Variants in LSAMP observed in about 807,000 individuals in gnomAD.
The protein encoded by LSAMP is limbic system associated membrane protein, also known as limbic system-associated membrane protein.
Under a neutral mutation model 38.6 loss-of-function variants are expected in LSAMP, and 7 were observed. That is an observed-to-expected ratio of 0.18 (90% CI 0.10 to 0.34). LSAMP has a LOEUF of 0.34. LSAMP is among the 10% of genes least tolerant of loss of function. The probability of loss-of-function intolerance (pLI) is 1.00; values close to 1 mark genes in which losing one functional copy is unlikely to be tolerated. For synonymous variants in LSAMP, 154 were observed against 166.8 expected, an observed-to-expected ratio of 0.92 and a Z score of 0.59; for missense variants, 313 against 420.0, an observed-to-expected ratio of 0.75 and a Z score of 2.23.
chr3:116,318,024 T>C (rs974362660), intron 1 of LSAMP, among the ~76,000 whole-genome samples: 3 of 149,308 alleles, frequency 2.0e-5, no homozygotes, highest in Admixed American at 6.8e-5. Context: ...TAATCCCAGC[T>C]ACTCAGGAGG....
At chr3:115,994,678 G>C (rs1419675881) in intron 3 of LSAMP, among the ~76,000 whole-genome samples, 1 of 152,068 alleles carries the variant, frequency 6.6e-6, no homozygotes, top group African/African-American at 2.4e-5. Flanking sequence ...TTAATGTAGA[G>C]TCATTAAGAG....
At chr3:115,923,672 T>C (rs567942446) in intron 3 of LSAMP, among the ~76,000 whole-genome samples, 4 of 152,298 alleles carry the variant, frequency 2.6e-5, no homozygotes, top group Non-Finnish European at 5.9e-5. Context: ...AGAAAATGTA[T>C]ATCATTCCTG....
At chr3:116,179,319 C>A (rs1710429063) in intron 1 of LSAMP, among the ~76,000 whole-genome samples, 1 of 152,006 alleles carries the variant, frequency 6.6e-6, no homozygotes, top group Admixed American at 6.6e-5. Flanking sequence ...ATCACAGGAC[C>A]ACATAATTTC....
intron 2 of LSAMP, among the ~76,000 whole-genome samples, chr3:116,025,110 T>A (rs2107695124): frequency 6.6e-6 from 1 of 152,226 alleles, no homozygotes; most frequent in African/African-American, 2.4e-5. Context: ...TAATATTGAT[T>A]TATGCTGAAT....
chr3:115,814,178 T>C (rs988004986), intron 6 of LSAMP: 7 of 152,110 alleles, frequency 4.6e-5, no homozygotes, highest in African/African-American at 1.7e-4. Flanking sequence ...AGGCATTGAT[T>C]TGTGAAATGG....
intron 3 of LSAMP, among the ~76,000 whole-genome samples, chr3:116,017,155 A>G (rs1940506997): frequency 6.6e-6 from 1 of 152,132 alleles, no homozygotes; most frequent in African/African-American, 2.4e-5. Context: ...ACTCCTAGAC[A>G]AGGTGGGAAA....
At chr3:115,903,761 A>C (rs988311162) in intron 3 of LSAMP, among the ~76,000 whole-genome samples, 2 of 152,186 alleles carry the variant, frequency 1.3e-5, no homozygotes, top group African/African-American at 4.8e-5. Flanking sequence ...AACAGGTTTT[A>C]ATAGGTTAGG....
intron 6 of LSAMP, among the ~76,000 whole-genome samples, chr3:115,838,348 A>G (rs1934864790): frequency 6.6e-6 from 1 of 152,186 alleles, no homozygotes; most frequent in Non-Finnish European, 1.5e-5. Context: ...AGATAAACCT[A>G]TCTATCACCT....
At chr3:116,046,643 G>A (rs369439038) in intron 2 of LSAMP, among the ~76,000 whole-genome samples, 1 of 152,206 alleles carries the variant, frequency 6.6e-6, no homozygotes, top group African/African-American at 2.4e-5. Context: ...CCCCAGCAAC[G>A]TCAGATACTT....
rs10527269 is a variant in LSAMP, at chr3:115,898,598, C to CATATATATAT, written c.515-45991_515-45982dup. Among the ~76,000 whole-genome samples, 92 of 142,038 alleles carry CATATATATAT rather than the reference C, an allele frequency of 6.5e-4. 1 individual carries two copies. Among genetic ancestry groups the CATATATATAT allele is most frequent in the Non-Finnish European group, 1.0e-3 (68 of 64,856 alleles). The allele number at this position is 142,038 out of a possible 152,430, so 93.2% of individuals were successfully genotyped here. ...TGATTGCCTCATTTGCATGAAGATG[C>CATATATATAT]ATATATATATATATATATATATATA... On this transcript the variant is annotated intron_variant, in intron 3 of 6. Transcript: ENST00000490035.
intron 4 of LSAMP, among the ~76,000 whole-genome samples, chr3:115,843,709 A>T (rs1028514740): frequency 6.6e-6 from 1 of 152,112 alleles, no homozygotes; most frequent in Non-Finnish European, 1.5e-5. Context: ...GTATTAAAAA[A>T]CTATTGCCTA....
intron 3 of LSAMP, among the ~76,000 whole-genome samples, chr3:116,014,878 G>C (rs780210023): frequency 1.9e-4 from 29 of 152,254 alleles, no homozygotes; most frequent in Middle Eastern, 3.4e-3. Context: ...GTCTAGGCTG[G>C]TCATATTGGG....
At chr3:115,950,603 C>A (rs1938250397) in intron 3 of LSAMP, among the ~76,000 whole-genome samples, 1 of 151,766 alleles carries the variant, frequency 6.6e-6, no homozygotes, top group Non-Finnish European at 1.5e-5. Context: ...ATAACACAAA[C>A]AAATGGAAAT....
rs1385091594 is a variant in LSAMP at position 115,805,295 on chromosome 3, C to G, written c.*5022G>C. The G allele has an allele frequency of 6.6e-6, 1 of 152,168 alleles. No individual in the cohort carries two copies. The highest frequency in any genetic ancestry group is 2.4e-5 in the African/African-American group (1 of 41,450). 9.4% of individuals were successfully genotyped at this position (152,168 alleles called of 1,614,324 possible). On this transcript the variant is annotated 3_prime_UTR_variant, in exon 7 of 7. Coordinates refer to ENST00000490035, the MANE Select transcript of LSAMP (RefSeq NM_002338.5). ...TTGAACTGTTCCTGTGGGTCTGCTT[C>G]CTTTGGCTAAGGCAACCTCATATTT...
At chr3:116,129,310 G>T (rs1243091789) in intron 1 of LSAMP, among the ~76,000 whole-genome samples, 1 of 152,156 alleles carries the variant, frequency 6.6e-6, no homozygotes, top group South Asian at 2.1e-4. Flanking sequence ...GAATGGCACT[G>T]CATTGCACTT....
At chr3:116,269,228 G>A (rs1005635944) in intron 1 of LSAMP, among the ~76,000 whole-genome samples, 1 of 152,058 alleles carries the variant, frequency 6.6e-6, no homozygotes, top group Non-Finnish European at 1.5e-5. Flanking sequence ...GCATTTTTAT[G>A]TATAAGCCTT....
At chr3:116,184,193 T>C (rs180692176) in intron 1 of LSAMP, among the ~76,000 whole-genome samples, 2 of 151,918 alleles carry the variant, frequency 1.3e-5, no homozygotes, top group African/African-American at 4.8e-5. Context: ...ATCATCGTTA[T>C]AGCTAAATGT....
intron 1 of LSAMP, among the ~76,000 whole-genome samples, chr3:116,379,855 G>A (rs1413438717): frequency 6.6e-6 from 1 of 151,984 alleles, no homozygotes. Flanking sequence ...GCAAATGTAG[G>A]ATTGAAAGAT....
chr3:116,216,192 G>A (rs2046216627), intron 1 of LSAMP, among the ~76,000 whole-genome samples: 1 of 152,018 alleles, frequency 6.6e-6, no homozygotes, highest in Non-Finnish European at 1.5e-5. Context: ...TTAAATTCTA[G>A]TCATGTCTTC....
Sources: gnomAD v4.1 joint callset for allele counts (sites outside exome capture counted in the v4.1 genomes callset) on GRCh38, gnomAD v4.1.1 for gene constraint, MANE v1.5 for transcripts, NCBI Gene and HGNC (gene_info 2026-07-23, HGNC 2026-07-21) for gene names.